Variants in TGM6 observed in about 807,000 individuals in gnomAD.
TGM6 encodes protein-glutamine gamma-glutamyltransferase 6.
Under a neutral mutation model 77.5 loss-of-function variants are expected in TGM6, and 74 were observed. The ratio of observed to expected loss-of-function variants is 0.96; its 90% CI spans 0.79 to 1.16. The LOEUF (loss-of-function observed/expected upper bound fraction) is 1.16, where lower values mean the gene tolerates loss of function less well. Ranked by LOEUF, TGM6 falls within the 50% of genes most tolerant of loss-of-function variation. The pLI, the probability that TGM6 is intolerant of heterozygous loss-of-function variation, is 0.00. For synonymous variants in TGM6, 383 were observed against 378.9 expected (o/e 1.01, Z -0.12); for missense variants, 968 against 940.2 (o/e 1.03, Z -0.39).
chr20:2,394,659 G>A (rs1172345179), intron 2 of TGM6, 34 bp downstream of exon 2: 2 of 1,581,264 alleles, frequency 1.3e-6, no homozygotes, highest in Non-Finnish European at 1.7e-6. Context: ...CTTCTCGTCT[G>A]CAGCTGGAGG....
chr20:2,397,887 AG>A (rs1458296412), intron 4 of TGM6, 30 bp from the exon 5 acceptor site: 1 of 1,614,072 alleles, frequency 6.2e-7, no homozygotes, highest in Admixed American at 1.7e-5. Flanking sequence ...GACTGAACGC[AG>A]CCTCTAAGCA....
intron 3 of TGM6, 27 bp downstream of exon 3, chr20:2,395,463 G>A (rs775942000): frequency 1.2e-6 from 2 of 1,614,016 alleles, no homozygotes; most frequent in African/African-American, 2.7e-5. Context: ...CCAATGCAGA[G>A]GTTTTTCCAA....
chr20:2,405,237 C>T (rs1195923178), intron 9 of TGM6, among the ~76,000 whole-genome samples: 1 of 152,202 alleles, frequency 6.6e-6, no homozygotes, highest in Non-Finnish European at 1.5e-5. Flanking sequence ...TTTCTAGAGG[C>T]CTGGCTCAGA....
intron 9 of TGM6, among the ~76,000 whole-genome samples, chr20:2,413,937 G>A (rs2084799190): frequency 6.6e-6 from 1 of 152,052 alleles, no homozygotes; most frequent in Admixed American, 6.6e-5. Context: ...AGCACCATCA[G>A]GAAAGTGGAA....
At chr20:2,420,136 T>C (rs2084846283) in intron 10 of TGM6, among the ~76,000 whole-genome samples, 1 of 151,994 alleles carries the variant, frequency 6.6e-6, no homozygotes, top group South Asian at 2.1e-4. Context: ...TCCCAGCTAC[T>C]CAGGAGGCTG....
In TGM6 at chr20:2,402,324, T is replaced by C. The variant is rs943130638; in HGVS notation, c.990-1073T>C. Reference sequence around the variant, plus strand: ...ACACAACACAGAGACACAGAGAGCCTTGTATCCTTGTTCCCCAGGGGAGCG... The same window carrying C: ...ACACAACACAGAGACACAGAGAGCCCTGTATCCTTGTTCCCCAGGGGAGCG... On this transcript the variant is annotated intron_variant, in intron 7 of 12. Transcript: ENST00000202625. Among the ~76,000 whole-genome samples the C allele has an allele frequency of 6.6e-5, 10 of 152,152 alleles. No individual in the cohort carries two copies. The East Asian group carries it at 1.9e-3, about 29-fold the overall frequency.
At chr20:2,404,831 G>T (rs2084739043) in intron 9 of TGM6, among the ~76,000 whole-genome samples, 1 of 152,012 alleles carries the variant, frequency 6.6e-6, no homozygotes, top group African/African-American at 2.4e-5. Context: ...AGTAGAGACG[G>T]GGTTTCACCA....
chr20:2,399,773 G>GC (rs766720929), intron 6 of TGM6, 35 bp downstream of exon 6: 2 of 1,576,660 alleles, frequency 1.3e-6, no homozygotes, highest in Non-Finnish European at 1.7e-6. Flanking sequence ...GGGTACCTGT[G>GC]CCCCCAGCTT....
intron 10 of TGM6, among the ~76,000 whole-genome samples, chr20:2,425,131 A>G (rs909065165): frequency 6.6e-6 from 1 of 152,116 alleles, no homozygotes; most frequent in African/African-American, 2.4e-5. Context: ...GCTTGAACCT[A>G]GGAGTTTGAG....
intron 12 of TGM6, 139 bp downstream of exon 12, chr20:2,431,166 C>T: frequency 4.1e-6 from 4 of 976,352 alleles, no homozygotes; most frequent in Non-Finnish European, 5.9e-6. Flanking sequence ...ACATATCAGC[C>T]TTCATTCACT....
Position 2,396,565 on chromosome 20 carries a change from G to A in TGM6, c.484G>A (p.Gly162Ser), listed in dbSNP as rs992743590. Residue 162 changes from glycine (G) to serine (S), a missense_variant, in exon 4 of 13, where the codon GGC becomes AGC. By Grantham distance (56) the Gly-to-Ser change is moderately conservative (BLOSUM62 0). Transcript: ENST00000202625. Reference protein sequence around the residue: ...ERQEYVLSDSGIIFRGVEKHI... With the variant: ...ERQEYVLSDSSIIFRGVEKHI... ...ACAGGAGTACGTGCTCAGCGACAGC[G>A]GCATCATCTTCCGAGGCGTGGAGAA... 26 of 1,614,108 alleles carry A rather than the reference G, an allele frequency of 1.6e-5. No individual in the cohort carries two copies. Among genetic ancestry groups the A allele is most frequent in the Middle Eastern group, 1.6e-4 (1 of 6,084 alleles).
intron 7 of TGM6, 148 bp from the exon 8 acceptor site, chr20:2,403,249 T>C (rs1229272312): frequency 3.9e-6 from 3 of 765,586 alleles, no homozygotes; most frequent in Non-Finnish European, 6.8e-6. Flanking sequence ...GAATGCTGTG[T>C]GCTCATTCAT....
At chr20:2,421,069 CT>C (rs2084853029) in intron 10 of TGM6, among the ~76,000 whole-genome samples, 14 of 152,072 alleles carry the variant, frequency 9.2e-5, no homozygotes, top group Admixed American at 9.2e-4. Flanking sequence ...TCACTGCAAC[CT>C]CCGCCTCCCG....
At chr20:2,418,716 G>T (rs1335899927) in intron 10 of TGM6, among the ~76,000 whole-genome samples, 3 of 152,222 alleles carry the variant, frequency 2.0e-5, no homozygotes, top group Admixed American at 2.0e-4. Context: ...TAGCAGAAGA[G>T]AATGGTTTCA....
chr20:2,427,449 G>C (rs2084895249), intron 10 of TGM6, among the ~76,000 whole-genome samples: 1 of 151,818 alleles, frequency 6.6e-6, no homozygotes, highest in South Asian at 2.1e-4. Context: ...AGTTAGCCTT[G>C]CTAGAGGCTT....
At chr20:2,414,907 G>A (rs1239487659) in intron 9 of TGM6, among the ~76,000 whole-genome samples, 1 of 134,470 alleles carries the variant, frequency 7.4e-6, no homozygotes, top group Non-Finnish European at 1.6e-5. Context: ...GGAGGAATGG[G>A]AAGTGACTCC....
chr20:2,384,163 A>G (rs2084577103), intron 1 of TGM6, among the ~76,000 whole-genome samples: 1 of 151,512 alleles, frequency 6.6e-6, no homozygotes, highest in African/African-American at 2.4e-5. Context: ...TGGACCCAGC[A>G]CCAGGCTACG....
chr20:2,383,867 C>G (rs766380808), intron 1 of TGM6, among the ~76,000 whole-genome samples: 1 of 151,908 alleles, frequency 6.6e-6, no homozygotes, highest in African/African-American at 2.4e-5. Context: ...TAGCACTTTG[C>G]GAGGCCAAGG....
rs903631131 is a variant in TGM6, at chr20:2,420,170, A to G, written c.1678+2597A>G. Among the ~76,000 whole-genome samples the G allele has an allele frequency of 2.0e-5, 3 of 152,266 alleles. No homozygotes were observed. In the South Asian group the frequency reaches 6.2e-4, roughly 32 times the overall value. On this transcript the variant is annotated intron_variant, in intron 10 of 12. Transcript: ENST00000202625. ...TGAGGCAGGAGAAAGGCGTGAACCCAGGAGGCAGAGCTTGCAGTGAGCCGA... is the reference window on the plus strand; with the variant it reads ...TGAGGCAGGAGAAAGGCGTGAACCCGGGAGGCAGAGCTTGCAGTGAGCCGA...
Sources: gnomAD v4.1 joint callset for allele counts (sites outside exome capture counted in the v4.1 genomes callset) on GRCh38, gnomAD v4.1.1 for gene constraint, MANE v1.5 for transcripts, NCBI Gene and HGNC (gene_info 2026-07-23, HGNC 2026-07-21) for gene names.